Variants in DPY19L3 observed in about 807,000 individuals in gnomAD.
DPY19L3 encodes dpy-19 like C-mannosyltransferase 3, also known as protein C-mannosyl-transferase DPY19L3.
Under a neutral mutation model 92.3 loss-of-function variants are expected in DPY19L3, and 51 were observed. The observed-to-expected ratio is 0.55, with a 90% confidence interval of 0.44 to 0.70. DPY19L3 has a LOEUF of 0.70. Among genes scored for constraint, DPY19L3 ranks in the 30% least tolerant of loss-of-function variants. The pLI is 0.00. For synonymous variants in DPY19L3, 309 were observed against 315.2 expected, an observed-to-expected ratio of 0.98 and a Z score of 0.21; for missense variants, 706 against 855.9, an observed-to-expected ratio of 0.82 and a Z score of 2.18.
intron 9 of DPY19L3, among the ~76,000 whole-genome samples, chr19:32,453,999 A>C (rs182932489): frequency 3.3e-5 from 5 of 152,322 alleles, no homozygotes; most frequent in Admixed American, 6.5e-5. Context: ...TAGAAGAAGA[A>C]ATCATTTTTC....
At chr19:32,435,322 A>T (rs1599620074) in intron 4 of DPY19L3, among the ~76,000 whole-genome samples, 1 of 152,304 alleles carries the variant, frequency 6.6e-6, no homozygotes, top group Middle Eastern at 3.4e-3. Flanking sequence ...CAGCATACAA[A>T]TTTGTGGGGG....
intron 12 of DPY19L3, among the ~76,000 whole-genome samples, 185 bp from the exon 13 acceptor site, chr19:32,463,181 C>G (rs1970093951): frequency 6.6e-6 from 1 of 151,694 alleles, no homozygotes; most frequent in South Asian, 2.1e-4. Context: ...ATTATTAATG[C>G]ATTTATATTG....
At chr19:32,457,560 G>A (rs1969904380) in intron 10 of DPY19L3, among the ~76,000 whole-genome samples, 1 of 152,074 alleles carries the variant, frequency 6.6e-6, no homozygotes, top group Non-Finnish European at 1.5e-5. Flanking sequence ...ATTTAAAATA[G>A]AATTATATGA....
Position 32,458,352 on chromosome 19 carries a change from G to C in DPY19L3, c.1165G>C (p.Asp389His). 1 of 1,609,888 alleles carries C rather than the reference G, an allele frequency of 6.2e-7. No homozygotes were observed. Among genetic ancestry groups the C allele is most frequent in the Non-Finnish European group, 8.5e-7 (1 of 1,179,058 alleles). The change falls in exon 12 of 19, where the codon GAT becomes CAT. Residue 389 changes from aspartate to histidine, a missense_variant and splice_region_variant. Physicochemically the swap from Asp to His is moderately conservative, Grantham distance 81. Coordinates refer to ENST00000392250, the MANE Select transcript of DPY19L3 (RefSeq NM_001172774.2). ...KAKFGLGATR[D>H]FDANLYLCEE... Reference sequence around the variant, plus strand: ...CTTTGCTTTCCATTTGTTCCCTAGGGATTTTGATGCAAATCTCTATCTGTG... The same window carrying C: ...CTTTGCTTTCCATTTGTTCCCTAGGCATTTTGATGCAAATCTCTATCTGTG...
chr19:32,412,492 G>A (rs1968222171), intron 3 of DPY19L3: 1 of 150,280 alleles, frequency 6.7e-6, no homozygotes, highest in East Asian at 1.9e-4. Context: ...AAAAGCCACT[G>A]CTTTAAATCA....
intron 10 of DPY19L3, among the ~76,000 whole-genome samples, chr19:32,455,248 C>G (rs1969830602): frequency 6.6e-6 from 1 of 152,140 alleles, no homozygotes; most frequent in Non-Finnish European, 1.5e-5. Flanking sequence ...GTGTGCACCA[C>G]CACACCTGGC....
chr19:32,468,075 A>G (rs1480231019), intron 15 of DPY19L3: 2 of 985,110 alleles, frequency 2.0e-6, no homozygotes, highest in African/African-American at 3.5e-5. Flanking sequence ...CAATCATGCT[A>G]TTTTGAAATG....
At chr19:32,446,760 A>G (rs574703179) in intron 8 of DPY19L3, among the ~76,000 whole-genome samples, 1 of 152,228 alleles carries the variant, frequency 6.6e-6, no homozygotes, top group Non-Finnish European at 1.5e-5. Context: ...AAAAATTCAC[A>G]ATCGCAGTTT....
At chr19:32,447,164 T>C (rs1305988638) in intron 8 of DPY19L3, among the ~76,000 whole-genome samples, 2 of 152,112 alleles carry the variant, frequency 1.3e-5, no homozygotes, top group East Asian at 3.8e-4. Flanking sequence ...AAAAAGAGTC[T>C]AAGAGGAACC....
rs143192430 is a variant in DPY19L3, at chr19:32,470,692, G to A, written c.1697+1879G>A. 4.0e-3 allele frequency among the ~76,000 whole-genome samples: 601 copies of A among 150,570 alleles called. 3 individuals are homozygous for A. The highest frequency in any genetic ancestry group is 6.5e-3 in the Non-Finnish European group (443 of 67,790). On this transcript the variant is annotated intron_variant, in intron 16 of 18. Transcript: ENST00000392250. ...AGAATACAAGTGTCCTATTTCCCTC[G>A]TTTGGGAGGTGATGTTCACTCCTCA...
intron 4 of DPY19L3, among the ~76,000 whole-genome samples, chr19:32,435,184 C>T (rs1174530180): frequency 8.5e-5 from 13 of 152,190 alleles, no homozygotes; most frequent in Admixed American, 8.5e-4. Context: ...AGGGCAAGCT[C>T]TTGTCTGTTC....
At chr19:32,471,939 T>C (rs1002970000) in intron 16 of DPY19L3, among the ~76,000 whole-genome samples, 3 of 152,188 alleles carry the variant, frequency 2.0e-5, no homozygotes, top group African/African-American at 4.8e-5. Context: ...CTTATTAATA[T>C]AGTTCAGCAG....
rs186340927 is a variant in DPY19L3 at position 32,457,319 on chromosome 19, G to A, written c.1090-781G>A. 1.1e-3 allele frequency among the ~76,000 whole-genome samples: 167 copies of A among 152,246 alleles called. 2 individuals carry two copies. Among genetic ancestry groups the A allele is most frequent in the Admixed American group, 4.4e-3 (67 of 15,298 alleles). ...TTCTAGGACTGTTAAGATCTCTTCC[G>A]AGCAACTGTTTTGTTTTACTCTTAT... On this transcript the variant is annotated intron_variant, in intron 10 of 18. Coordinates refer to ENST00000392250, the MANE Select transcript of DPY19L3 (RefSeq NM_001172774.2).
chr19:32,439,294 A>G, intron 7 of DPY19L3, 59 bp downstream of exon 7: 1 of 1,551,272 alleles, frequency 6.4e-7, no homozygotes, highest in East Asian at 2.3e-5. Flanking sequence ...TGAAGCTTCA[A>G]AAAATGTGAT....
At chr19:32,465,903 A>C (rs745577677) in intron 15 of DPY19L3, among the ~76,000 whole-genome samples, 18 of 152,210 alleles carry the variant, frequency 1.2e-4, no homozygotes, top group Non-Finnish European at 8.8e-5. Context: ...TACTAAAAAC[A>C]TCTAGACACG....
rs1451654211 is a variant in DPY19L3, at chr19:32,426,666, T to C, written c.238-6050T>C. On this transcript the variant is annotated intron_variant, in intron 3 of 18. Coordinates refer to ENST00000392250, the MANE Select transcript of DPY19L3 (RefSeq NM_001172774.2). ...AACACACACATTTCAGTTCACCGTC[T>C]TACATGGGTGTGGTTTATTGTGCCC... Among the ~76,000 whole-genome samples, 6 of 152,200 alleles carry C rather than the reference T, an allele frequency of 3.9e-5. No homozygotes were observed. In the East Asian group the frequency reaches 1.2e-3, roughly 29 times the overall value.
At chr19:32,429,946 C>A (rs998960122) in intron 3 of DPY19L3, among the ~76,000 whole-genome samples, 2 of 152,042 alleles carry the variant, frequency 1.3e-5, no homozygotes, top group African/African-American at 4.8e-5. Flanking sequence ...CACGTTTTCT[C>A]AAAGATAAAA....
chr19:32,441,703 G>T (rs934218307), intron 8 of DPY19L3, among the ~76,000 whole-genome samples: 11 of 152,002 alleles, frequency 7.2e-5, no homozygotes, highest in African/African-American at 2.7e-4. Flanking sequence ...TTGCCATATT[G>T]CCCAGGCTGG....
Position 32,432,794 on chromosome 19 carries a change from A to G in DPY19L3, c.316A>G (p.Thr106Ala), listed in dbSNP as rs1159845913. 2 of 1,613,830 alleles carry G rather than the reference A, an allele frequency of 1.2e-6. No homozygotes were observed. Among genetic ancestry groups the G allele is most frequent in the South Asian group, 1.1e-5 (1 of 91,070 alleles). The change falls in exon 4 of 19, where the codon ACC (threonine) becomes GCC (alanine). Residue 106 changes from threonine to alanine, a missense_variant. Thr to Ala is a moderately conservative substitution (Grantham distance 58, BLOSUM62 0). Transcript: ENST00000392250. ...SYYKQMLQAP[T>A]LVQGFHGLIY... is the part of the protein sequence containing the mutation. The stretch of plus-strand genomic sequence containing the variant: ...CTACAAGCAGATGCTGCAGGCTCCA[A>G]CCCTCGTGCAAGGTAATTACAACTG...
Sources: gnomAD v4.1 joint callset for allele counts (sites outside exome capture counted in the v4.1 genomes callset) on GRCh38, gnomAD v4.1.1 for gene constraint, MANE v1.5 for transcripts, NCBI Gene and HGNC (gene_info 2026-07-23, HGNC 2026-07-21) for gene names.